The following DPP10 variants were observed in gnomAD, a reference collection of about 807,000 sequenced individuals.
The protein encoded by DPP10 is inactive dipeptidyl peptidase 10.
A neutral mutation model predicts 120.9 loss-of-function variants in DPP10; 33 were observed. That is an observed-to-expected ratio of 0.27 (90% CI 0.21 to 0.37). DPP10 has a LOEUF of 0.37. Among genes scored for constraint, DPP10 ranks in the 10% least tolerant of loss-of-function variants. DPP10 has a pLI of 1.00. For synonymous variants in DPP10, 337 were observed against 326.1 expected (o/e 1.03, Z -0.36); for missense variants, 816 against 942.8 (o/e 0.87, Z 1.76).
In DPP10 at chr2:115,823,398, G is replaced by A. The variant is rs573280821; in HGVS notation, c.1950+7669G>A. 1.2e-4 allele frequency among the ~76,000 whole-genome samples: 18 copies of A among 152,194 alleles called. No homozygotes were observed. The South Asian group carries it at 3.1e-3, about 26-fold the overall frequency. On this transcript the variant is annotated intron_variant, in intron 21 of 25. Coordinates refer to ENST00000410059, the MANE Select transcript of DPP10 (RefSeq NM_020868.6). Reference sequence around the variant, plus strand: ...ACATCTCACCAATCTCTTTTATGCAGCATGGGCTTTTATTTTTTGTCACAT... The same window carrying A: ...ACATCTCACCAATCTCTTTTATGCAACATGGGCTTTTATTTTTTGTCACAT...
intron 1 of DPP10, among the ~76,000 whole-genome samples, chr2:114,938,732 T>TCC (rs1394179091): frequency 2.7e-5 from 4 of 145,584 alleles, no homozygotes; most frequent in African/African-American, 1.0e-4. Flanking sequence ...TTTGTCCCTT[T>TCC]TTTTTTTTTT....
At chr2:115,589,532 A>G (rs1174209201) in intron 5 of DPP10, among the ~76,000 whole-genome samples, 1 of 151,948 alleles carries the variant, frequency 6.6e-6, no homozygotes, top group African/African-American at 2.4e-5. Context: ...TTTTTTACAA[A>G]TATAACTTAT....
intron 5 of DPP10, among the ~76,000 whole-genome samples, chr2:115,537,843 G>A (rs2148950231): frequency 6.6e-6 from 1 of 152,046 alleles, no homozygotes; most frequent in Admixed American, 6.6e-5. Context: ...GTCATCTGAA[G>A]GCCTGGCTGA....
chr2:115,159,003 G>A (rs1200518256), intron 1 of DPP10, among the ~76,000 whole-genome samples: 2 of 151,398 alleles, frequency 1.3e-5, no homozygotes, highest in Admixed American at 1.3e-4. Flanking sequence ...TAATTTCTAA[G>A]TACTTAATTG....
intron 1 of DPP10, among the ~76,000 whole-genome samples, chr2:115,004,622 A>G (rs951269282): frequency 1.3e-5 from 2 of 152,146 alleles, no homozygotes; most frequent in African/African-American, 4.8e-5. Flanking sequence ...GCACCTGGAA[A>G]ATCGGGTCAC....
rs2082778365 is a variant in DPP10 at position 115,593,181 on chromosome 2, T to C, written c.441+67209T>C. On this transcript the variant is annotated intron_variant, in intron 5 of 25. Coordinates refer to ENST00000410059, the MANE Select transcript of DPP10 (RefSeq NM_020868.6). ...GTTCAGTTAAACAATTGTGTCTCAT[T>C]CCAAGAGGTGGCATTGCAGATGGGC... is the stretch of plus-strand genomic sequence containing the variant. Among the ~76,000 whole-genome samples, 3 of 152,262 alleles carry C rather than the reference T, an allele frequency of 2.0e-5. No homozygotes were observed. The South Asian group carries it at 6.2e-4, about 32-fold the overall frequency.
chr2:114,934,660 T>C (rs1696325536), intron 1 of DPP10, among the ~76,000 whole-genome samples: 1 of 151,800 alleles, frequency 6.6e-6, no homozygotes, highest in Non-Finnish European at 1.5e-5. Context: ...TAATTCGGTT[T>C]AGACTACAAA....
chr2:114,897,018 G>T lies in DPP10; in HGVS notation c.61-412221G>T, dbSNP rs976439445. Among the ~76,000 whole-genome samples, 15 of 151,500 alleles carry T rather than the reference G, an allele frequency of 9.9e-5. 1 individual carries two copies. The highest frequency in any genetic ancestry group is 7.2e-4 in the Admixed American group (11 of 15,176). Reference sequence around the variant, plus strand: ...TCATGTGGTTTTTGTCTTTGGCTCTGTTTATATGCTGGATTACATTTATTG... The same window carrying T: ...TCATGTGGTTTTTGTCTTTGGCTCTTTTTATATGCTGGATTACATTTATTG... On this transcript the variant is annotated intron_variant, in intron 1 of 25. Transcript: ENST00000410059.
intron 1 of DPP10, among the ~76,000 whole-genome samples, chr2:114,921,196 A>G (rs1362193747): frequency 6.6e-6 from 1 of 152,222 alleles, no homozygotes; most frequent in African/African-American, 2.4e-5. Flanking sequence ...TTTCAGAAAC[A>G]TAAATATGCA....
intron 5 of DPP10, among the ~76,000 whole-genome samples, chr2:115,621,679 T>A (rs2084956447): frequency 6.6e-6 from 1 of 152,022 alleles, no homozygotes. Context: ...TATTTTTGGT[T>A]TGTTTGTTTG....
intron 1 of DPP10, among the ~76,000 whole-genome samples, chr2:115,249,547 G>A (rs1198060253): frequency 1.3e-5 from 2 of 152,100 alleles, no homozygotes; most frequent in East Asian, 3.9e-4. Context: ...ACCATAATAA[G>A]GAGTGTGGGT....
chr2:114,543,967 A>G (rs1687162878), intron 1 of DPP10, among the ~76,000 whole-genome samples: 1 of 151,972 alleles, frequency 6.6e-6, no homozygotes, highest in Non-Finnish European at 1.5e-5. Flanking sequence ...AATTCAACAA[A>G]TTTATTTTAA....
intron 11 of DPP10, among the ~76,000 whole-genome samples, chr2:115,761,447 C>T (rs1188816064): frequency 2.6e-5 from 4 of 151,992 alleles, no homozygotes; most frequent in Admixed American, 1.3e-4. Context: ...TTTTATTCTA[C>T]GTATGGAGAT....
At chr2:115,720,234 T>C (rs895390140) in intron 7 of DPP10, among the ~76,000 whole-genome samples, 5 of 152,238 alleles carry the variant, frequency 3.3e-5, no homozygotes, top group African/African-American at 1.2e-4. Context: ...ATTCTAATTA[T>C]AATACCAAAA....
intron 11 of DPP10, among the ~76,000 whole-genome samples, chr2:115,753,812 G>A (rs1362864094): frequency 2.0e-5 from 3 of 152,050 alleles, no homozygotes; most frequent in Non-Finnish European, 2.9e-5. Flanking sequence ...ACCAGTTTTT[G>A]TAAACTCTGT....
chr2:115,116,962 A>G (rs2049543943), intron 1 of DPP10, among the ~76,000 whole-genome samples: 1 of 152,216 alleles, frequency 6.6e-6, no homozygotes, highest in South Asian at 2.1e-4. Flanking sequence ...AATAGAACAT[A>G]TATATGATTC....
chr2:115,134,180 CAT>C (rs201546791), intron 1 of DPP10, among the ~76,000 whole-genome samples: 2,463 of 152,222 alleles, frequency 0.016, 32 homozygotes, highest in African/African-American at 0.03. Context: ...ATAATTCTTT[CAT>C]ATATACATTT....
chr2:115,766,344 A>ATATG, intron 12 of DPP10, among the ~76,000 whole-genome samples: 1 of 134,826 alleles, frequency 7.4e-6, no homozygotes, highest in Non-Finnish European at 1.6e-5. Context: ...ATATGTATAT[A>ATATG]TATATATATA....
intron 3 of DPP10, among the ~76,000 whole-genome samples, chr2:115,472,550 G>C (rs2074799757): frequency 1.3e-5 from 2 of 152,062 alleles, no homozygotes. Flanking sequence ...TCTTGATTCA[G>C]ACTAGCATTC....
Sources: gnomAD v4.1 joint callset for allele counts (sites outside exome capture counted in the v4.1 genomes callset) on GRCh38, gnomAD v4.1.1 for gene constraint, MANE v1.5 for transcripts, NCBI Gene and HGNC (gene_info 2026-07-23, HGNC 2026-07-21) for gene names.